The following ZNF532 variants were observed in gnomAD, a reference collection of about 807,000 sequenced individuals.
ZNF532 encodes the protein zinc finger protein 532.
A neutral mutation model predicts 89.3 loss-of-function variants in ZNF532; 22 were observed. The ratio of observed to expected loss-of-function variants is 0.25; its 90% CI spans 0.18 to 0.35. ZNF532 has a LOEUF of 0.35. Ranked by LOEUF, ZNF532 falls within the 10% of genes least tolerant of loss-of-function variation. The pLI is 1.00. For synonymous variants in ZNF532, 606 were observed against 649.6 expected, an observed-to-expected ratio of 0.93 and a Z score of 1.02; for missense variants, 1,132 against 1,643.4, an observed-to-expected ratio of 0.69 and a Z score of 5.38.
chr18:58,968,207 CTG>C (rs2066116246), intron 7 of ZNF532, among the ~76,000 whole-genome samples: 1 of 152,220 alleles, frequency 6.6e-6, no homozygotes, highest in Non-Finnish European at 1.5e-5. Flanking sequence ...TCCCTTGACA[CTG>C]GGCTGGTGCT....
At chr18:58,979,032 T>G in intron 7 of ZNF532, 23 bp from the exon 8 acceptor site, 1 of 1,582,800 alleles carries the variant, frequency 6.3e-7, no homozygotes, top group East Asian at 2.2e-5. Flanking sequence ...TTCCCTTAAG[T>G]GAACTTTCTC....
chr18:58,979,507 C>T (rs146252031), intron 8 of ZNF532: 6,160 of 159,382 alleles, frequency 0.039, 120 homozygotes, highest in East Asian at 0.057. Flanking sequence ...CCTACCTCAA[C>T]CTCCTGAGTA....
At chr18:58,969,721 C>T (rs1265138698) in intron 7 of ZNF532, among the ~76,000 whole-genome samples, 4 of 152,064 alleles carry the variant, frequency 2.6e-5, no homozygotes, top group African/African-American at 9.7e-5. Flanking sequence ...ATGTTGTTAA[C>T]ACATTTTTTA....
intron 3 of ZNF532, among the ~76,000 whole-genome samples, chr18:58,922,437 G>A (rs567128131): frequency 6.6e-6 from 1 of 152,268 alleles, no homozygotes; most frequent in Non-Finnish European, 1.5e-5. Context: ...AGTTTTGACA[G>A]CATTCTTGCA....
At chr18:58,884,518 C>A (rs2058149263) in intron 2 of ZNF532, among the ~76,000 whole-genome samples, 1 of 152,194 alleles carries the variant, frequency 6.6e-6, no homozygotes, top group African/African-American at 2.4e-5. Flanking sequence ...ATTCAGGTGA[C>A]AAAGGAAAAT....
At chr18:58,869,782 T>G (rs959579660) in intron 2 of ZNF532, among the ~76,000 whole-genome samples, 1 of 150,098 alleles carries the variant, frequency 6.7e-6, no homozygotes, top group Non-Finnish European at 1.5e-5. Flanking sequence ...TTTTTTTTTT[T>G]TGGAGTTGGA....
chr18:58,886,525 C>T (rs1475832324), intron 2 of ZNF532, among the ~76,000 whole-genome samples: 1 of 152,062 alleles, frequency 6.6e-6, no homozygotes, highest in Non-Finnish European at 1.5e-5. Context: ...GCACTTAACA[C>T]TGTTGAACTG....
chr18:58,888,816 T>TA (rs2058603476), intron 2 of ZNF532, among the ~76,000 whole-genome samples: 1 of 12,452 alleles, frequency 8.0e-5, no homozygotes, highest in Non-Finnish European at 1.3e-4. Flanking sequence ...TATAAAAAAT[T>TA]ATATATATAA....
intron 2 of ZNF532, among the ~76,000 whole-genome samples, chr18:58,899,478 A>T (rs919429879): frequency 2.0e-4 from 30 of 151,398 alleles, no homozygotes; most frequent in Admixed American, 2.6e-4. Context: ...TTATTTATTT[A>T]TTTTTTTTGA....
In ZNF532 at chr18:58,959,253, G is replaced by GTTTT. The variant is rs201150500; in HGVS notation, c.3150+5457_3150+5460dup. Among the ~76,000 whole-genome samples the GTTTT allele has an allele frequency of 1.1e-3, 134 of 121,604 alleles. 3 individuals are homozygous for GTTTT. Among genetic ancestry groups the GTTTT allele is most frequent in the African/African-American group, 3.9e-3 (109 of 27,900 alleles). The allele number at this position is 121,604 out of a possible 152,430, so 79.8% of individuals were successfully genotyped here. A position where few individuals can be genotyped will look rare whatever the true frequency, so the allele number is the denominator to read the frequency against. ...GAACCTTAGATCTTTTCAGTTTTTT[G>GTTTT]TTTTTTGTTTTTTTTTGTTTTTTTT... is the stretch of plus-strand genomic sequence containing the variant. On this transcript the variant is annotated intron_variant, in intron 7 of 9. Coordinates refer to ENST00000591808, the MANE Select transcript of ZNF532 (RefSeq NM_001375912.1).
intron 7 of ZNF532, among the ~76,000 whole-genome samples, chr18:58,973,636 C>T (rs1251099337): frequency 6.6e-6 from 1 of 152,136 alleles, no homozygotes; most frequent in Admixed American, 6.5e-5. Flanking sequence ...AGTAATCCCG[C>T]TCCTGGGTAT....
Position 58,986,462 on chromosome 18 carries a change from A to G in ZNF532, c.*1996A>G, listed in dbSNP as rs927930844. On this transcript the variant is annotated 3_prime_UTR_variant, in exon 10 of 10. Transcript: ENST00000591808. ...AATATTCATTTATTCAACAAATAAA[A>G]AGTATGTACAAAACATGATACAGAA... is the stretch of plus-strand genomic sequence containing the variant. 2.0e-5 allele frequency: 3 copies of G among 152,708 alleles called. No individual in the cohort carries two copies. Among genetic ancestry groups the G allele is most frequent in the Non-Finnish European group, 4.4e-5 (3 of 68,050 alleles). 9.5% of individuals were successfully genotyped at this position (152,708 alleles called of 1,614,324 possible). A position where few individuals can be genotyped will look rare whatever the true frequency, so the allele number is the denominator to read the frequency against.
intron 5 of ZNF532, 95 bp downstream of exon 5, chr18:58,939,716 T>C (rs2062813853): frequency 8.0e-7 from 1 of 1,249,202 alleles, no homozygotes; most frequent in Admixed American, 2.5e-5. Context: ...TTTACCAAGA[T>C]CTGAAAAATT....
intron 2 of ZNF532, among the ~76,000 whole-genome samples, chr18:58,880,749 T>G (rs2057813676): frequency 7.5e-6 from 1 of 133,034 alleles, no homozygotes; most frequent in African/African-American, 2.9e-5. Flanking sequence ...AGCCCTCTCA[T>G]AGGCGCGCGC....
intron 2 of ZNF532, among the ~76,000 whole-genome samples, chr18:58,897,773 C>T (rs562778987): frequency 6.2e-4 from 94 of 152,152 alleles, no homozygotes; most frequent in Admixed American, 1.2e-3. Context: ...GCCAACATGG[C>T]GAATCCCCAT....
chr18:58,934,754 T>G (rs1221482799), intron 4 of ZNF532, 140 bp downstream of exon 4: 4 of 810,222 alleles, frequency 4.9e-6, no homozygotes, highest in Non-Finnish European at 7.7e-6. Flanking sequence ...CTAGCTCGTT[T>G]GTAGAGTCCA....
intron 2 of ZNF532, among the ~76,000 whole-genome samples, chr18:58,901,744 G>A (rs935303900): frequency 6.6e-6 from 1 of 152,174 alleles, no homozygotes; most frequent in African/African-American, 2.4e-5. Context: ...CCCTGAATGG[G>A]TACTGGCCTC....
chr18:58,966,211 G>C (rs1266152987), intron 7 of ZNF532, among the ~76,000 whole-genome samples: 1 of 152,098 alleles, frequency 6.6e-6, no homozygotes, highest in Non-Finnish European at 1.5e-5. Flanking sequence ...TGCTCTTAAT[G>C]CTGGAGAGTT....
At chr18:58,891,435 C>T (rs2058897149) in intron 2 of ZNF532, among the ~76,000 whole-genome samples, 1 of 152,176 alleles carries the variant, frequency 6.6e-6, no homozygotes, top group Admixed American at 6.5e-5. Flanking sequence ...GTGGCTGAGG[C>T]ATGAGAATCA....
Sources: gnomAD v4.1 joint callset for allele counts (sites outside exome capture counted in the v4.1 genomes callset) on GRCh38, gnomAD v4.1.1 for gene constraint, MANE v1.5 for transcripts, NCBI Gene and HGNC (gene_info 2026-07-23, HGNC 2026-07-21) for gene names.